Variants in CCDC93 observed in about 807,000 individuals in gnomAD.
The protein encoded by CCDC93 is coiled-coil domain-containing protein 93.
In CCDC93, 61 loss-of-function variants were observed where a neutral mutation model predicts 108.2. That is an observed-to-expected ratio of 0.56 (90% CI 0.46 to 0.70). The LOEUF (loss-of-function observed/expected upper bound fraction) is 0.70, where lower values mean the gene tolerates loss of function less well. Ranked by LOEUF, CCDC93 falls within the 30% of genes least tolerant of loss-of-function variation. CCDC93 has a pLI of 0.00. For missense variants in CCDC93, 685 were observed against 764.2 expected (o/e 0.90, Z 1.22); for synonymous variants, 276 against 260.4 (o/e 1.06, Z -0.58).
chr2:117,997,255 G>A (rs2104816823), intron 4 of CCDC93: 1 of 152,266 alleles, frequency 6.6e-6, no homozygotes, highest in South Asian at 2.1e-4. Context: ...CACCCGCCCT[G>A]AGGGTAAAAA....
intron 6 of CCDC93, among the ~76,000 whole-genome samples, chr2:117,986,990 T>C (rs908738445): frequency 2.8e-5 from 4 of 145,370 alleles, no homozygotes; most frequent in Admixed American, 1.4e-4. Flanking sequence ...TTAGTTACAA[T>C]TGAAAGAGTC....
intron 11 of CCDC93, among the ~76,000 whole-genome samples, chr2:117,973,529 T>C (rs1473437304): frequency 6.6e-6 from 1 of 152,090 alleles, no homozygotes; most frequent in Non-Finnish European, 1.5e-5. Context: ...GTTATGGGGT[T>C]TATCTCCTAA....
At chr2:117,997,620 G>C (rs1333979508) in intron 4 of CCDC93, 2 of 152,184 alleles carry the variant, frequency 1.3e-5, no homozygotes, top group East Asian at 3.9e-4. Flanking sequence ...ATAACTCTGA[G>C]GAATATTCCT....
In CCDC93 at chr2:117,920,371, A is replaced by G. The variant is rs1677820554; in HGVS notation, c.1868T>C (p.Leu623Pro). The change falls in exon 24 of 24, where the codon CTG becomes CCG. Residue 623 changes from leucine to proline, a missense_variant. By Grantham distance (98) the Leu-to-Pro change is moderately conservative (BLOSUM62 -3). Transcript: ENST00000376300. The part of the protein sequence containing the change: ...KEEGRKNEML[L>P]SKVKAKAS ...GGAGGCCTTCGCTTTCACCTTGGACAGCAGCATCTCGTTCTTGCGGCCCTC... is the reference window on the plus strand; with the variant it reads ...GGAGGCCTTCGCTTTCACCTTGGACGGCAGCATCTCGTTCTTGCGGCCCTC... The G allele has an allele frequency of 1.9e-6, 3 of 1,613,422 alleles. No individual in the cohort carries two copies. Among genetic ancestry groups the G allele is most frequent in the Non-Finnish European group, 2.5e-6 (3 of 1,179,450 alleles).
intron 6 of CCDC93, among the ~76,000 whole-genome samples, chr2:117,990,190 G>A (rs1433914151): frequency 1.3e-5 from 2 of 152,216 alleles, no homozygotes; most frequent in East Asian, 3.8e-4. Flanking sequence ...CATCTCAGAG[G>A]AGGAAGCTGT....
In CCDC93 at chr2:117,958,389, C is replaced by T. The variant is rs748616928; in HGVS notation, c.981G>A (p.Ala327=). The change falls in exon 12 of 24, where the codon GCG becomes GCA. Residue 327 remains alanine, a synonymous_variant. Coordinates refer to ENST00000376300, the MANE Select transcript of CCDC93 (RefSeq NM_019044.5). The part of the protein sequence containing the change: ...RKVISLNKQI[A]QKTKHLEELR... ...CCTCTTCAAGATGTTTGGTCTTTTGCGCAATCTGTTTGTTCAAGGAAATGA... is the reference window on the plus strand; with the variant it reads ...CCTCTTCAAGATGTTTGGTCTTTTGTGCAATCTGTTTGTTCAAGGAAATGA... 9.3e-6 allele frequency: 15 copies of T among 1,610,046 alleles called. No homozygotes were observed. The highest frequency in any genetic ancestry group is 4.0e-5 in the African/African-American group (3 of 74,814).
At chr2:117,949,762 G>C (rs184362916) in intron 13 of CCDC93, 1 of 984,978 alleles carries the variant, frequency 1.0e-6, no homozygotes, top group African/African-American at 1.8e-5. Flanking sequence ...AGTAGACTAA[G>C]CACAACTTGC....
At chr2:117,952,309 G>A in intron 13 of CCDC93, 64 bp downstream of exon 13, 1 of 1,021,878 alleles carries the variant, frequency 9.8e-7, no homozygotes, top group Non-Finnish European at 1.6e-6. Context: ...CATTCCATTA[G>A]TGGTTCAGGT....
At chr2:117,966,649 T>C (rs1047329781) in intron 11 of CCDC93, among the ~76,000 whole-genome samples, 1 of 152,266 alleles carries the variant, frequency 6.6e-6, no homozygotes, top group Non-Finnish European at 1.5e-5. Flanking sequence ...TCTAATCAAA[T>C]GTGGCTGTCT....
At chr2:117,959,865 C>T (rs889600489) in intron 11 of CCDC93, among the ~76,000 whole-genome samples, 18 of 151,986 alleles carry the variant, frequency 1.2e-4, no homozygotes, top group African/African-American at 2.7e-4. Flanking sequence ...TAATTTTGGA[C>T]GCACCAAGAT....
intron 23 of CCDC93, 42 bp downstream of exon 23, chr2:117,930,995 A>G (rs1678306520): frequency 2.3e-6 from 3 of 1,310,358 alleles, no homozygotes; most frequent in Non-Finnish European, 2.2e-6. Context: ...GTGAACATAT[A>G]TCTCACGTTA....
intron 12 of CCDC93, among the ~76,000 whole-genome samples, chr2:117,953,543 C>T (rs1679125279): frequency 6.6e-6 from 1 of 152,042 alleles, no homozygotes; most frequent in African/African-American, 2.4e-5. Flanking sequence ...TTGATGTTTG[C>T]TATGGTCTGA....
chr2:117,986,160 CTTTTTTTTTTTTT>C, intron 6 of CCDC93, 91 bp from the exon 7 acceptor site: 4 of 275,582 alleles, frequency 1.5e-5, no homozygotes, highest in Non-Finnish European at 2.6e-5. Flanking sequence ...GGTATATTCT[CTTTTTTTTTTTTT>C]TTTTTTTTTG....
intron 6 of CCDC93, among the ~76,000 whole-genome samples, chr2:117,989,978 G>A (rs1325973938): frequency 3.9e-5 from 6 of 152,186 alleles, no homozygotes; most frequent in Admixed American, 3.9e-4. Context: ...TTTCCAACTA[G>A]TCTGGAAGCT....
chr2:117,957,267 C>G (rs1463811805), intron 12 of CCDC93, among the ~76,000 whole-genome samples: 1 of 152,176 alleles, frequency 6.6e-6, no homozygotes, highest in Non-Finnish European at 1.5e-5. Flanking sequence ...AAGCATATAA[C>G]TTTTTTATTG....
At chr2:117,978,097 T>G in intron 7 of CCDC93, 67 bp from the exon 8 acceptor site, 7 of 1,417,510 alleles carry the variant, frequency 4.9e-6, no homozygotes, top group Non-Finnish European at 7.0e-6. Context: ...TGAAATGCAT[T>G]TTGGTTGACT....
rs1679029387 is a variant in CCDC93, at chr2:117,950,800, T to A, written c.1069-1405A>T. ...TTTTCTAGATGGGAATTAGTCTGAT[T>A]TTCCTATTAGATAGTAAGCTCCCAG... On this transcript the variant is annotated intron_variant, in intron 13 of 23. Coordinates refer to ENST00000376300, the MANE Select transcript of CCDC93 (RefSeq NM_019044.5). The A allele has an allele frequency of 3.0e-6, 3 of 985,308 alleles. No homozygotes were observed. The African/African-American group carries it at 5.2e-5, about 17-fold the overall frequency. The allele number at this position is 985,308 out of a possible 1,614,324, so 61.0% of individuals were successfully genotyped here.
chr2:117,941,145 T>C (rs769111211), intron 19 of CCDC93, 44 bp downstream of exon 19: 1 of 1,401,714 alleles, frequency 7.1e-7, no homozygotes, highest in Admixed American at 1.7e-5. Context: ...CCCTCGCCTG[T>C]CCCTTCCCAG....
intron 2 of CCDC93, 53 bp downstream of exon 2, chr2:118,008,492 A>C: frequency 1.0e-6 from 1 of 998,904 alleles, no homozygotes; most frequent in Non-Finnish European, 1.6e-6. Context: ...GCCATGATTA[A>C]CCATGTCATT....
Sources: allele counts gnomAD v4.1 joint callset (sites outside exome capture counted in the v4.1 genomes callset), GRCh38; gene constraint gnomAD v4.1.1; transcripts MANE v1.5; gene names NCBI Gene and HGNC (gene_info 2026-07-23, HGNC 2026-07-21).